Variants in SIPA1L3 observed in about 807,000 individuals in gnomAD.
The protein encoded by SIPA1L3 is signal-induced proliferation-associated 1-like protein 3.
Under a neutral mutation model 150.1 loss-of-function variants are expected in SIPA1L3, and 59 were observed. The observed-to-expected ratio is 0.39, with a 90% CI of 0.32 to 0.49. The LOEUF (loss-of-function observed/expected upper bound fraction) is 0.49, where lower values mean the gene tolerates loss of function less well. SIPA1L3 is among the 20% of genes least tolerant of loss of function. The probability of loss-of-function intolerance (pLI) is 0.86; values close to 1 mark genes in which losing one functional copy is unlikely to be tolerated. For missense variants in SIPA1L3, 2,211 were observed against 2,489.5 expected (o/e 0.89, Z 2.38); for synonymous variants, 1,070 against 1,077.6 (o/e 0.99, Z 0.14).
chr19:38,017,520 CTT>C (rs764574386), intron 1 of SIPA1L3, among the ~76,000 whole-genome samples: 6 of 138,784 alleles, frequency 4.3e-5, no homozygotes, highest in Admixed American at 7.3e-5. Flanking sequence ...CAGCTATCTC[CTT>C]TTTTTTTTTT....
At chr19:37,999,489 G>A (rs1318955872) in intron 1 of SIPA1L3, among the ~76,000 whole-genome samples, 1 of 152,222 alleles carries the variant, frequency 6.6e-6, no homozygotes, top group African/African-American at 2.4e-5. Context: ...AGTTGCACAT[G>A]GAAGTGAGTG....
intron 1 of SIPA1L3, among the ~76,000 whole-genome samples, chr19:37,987,749 C>T (rs907528497): frequency 2.0e-5 from 3 of 149,280 alleles, no homozygotes; most frequent in African/African-American, 7.7e-5. Context: ...GGGGCAGGCC[C>T]CAGTGGGGAT....
intron 9 of SIPA1L3, among the ~76,000 whole-genome samples, chr19:38,126,029 C>T (rs1376950424): frequency 1.3e-5 from 2 of 152,016 alleles, no homozygotes; most frequent in Non-Finnish European, 2.9e-5. Context: ...AAAAAATTAG[C>T]CGGGCGTGGT....
Position 38,208,240 on chromosome 19 carries a change from A to G in SIPA1L3, c.*2000A>G, listed in dbSNP as rs528925824. 1.4e-5 allele frequency: 2 copies of G among 146,262 alleles called. No homozygotes were observed. Among genetic ancestry groups the G allele is most frequent in the East Asian group, 2.0e-4 (1 of 4,890 alleles). 9.1% of individuals were successfully genotyped at this position (146,262 alleles called of 1,614,324 possible). On this transcript the variant is annotated 3_prime_UTR_variant, in exon 22 of 22. Transcript: ENST00000222345. ...AAGATAGCAGCAGGTTTTTTTTTTCATATGTTGATTTGTTTCATTTGGATT... is the reference window on the plus strand; with the variant it reads ...AAGATAGCAGCAGGTTTTTTTTTTCGTATGTTGATTTGTTTCATTTGGATT...
At chr19:38,073,287 A>G (rs1969761984) in intron 2 of SIPA1L3, among the ~76,000 whole-genome samples, 1 of 152,134 alleles carries the variant, frequency 6.6e-6, no homozygotes. Context: ...GCAGCACAGG[A>G]GGGAGGCAGA....
intron 1 of SIPA1L3, among the ~76,000 whole-genome samples, chr19:38,028,475 G>A (rs1968566439): frequency 6.6e-6 from 1 of 152,058 alleles, no homozygotes; most frequent in Non-Finnish European, 1.5e-5. Context: ...TCGTCCGGGA[G>A]GCCTTCCCCG....
intron 6 of SIPA1L3, among the ~76,000 whole-genome samples, chr19:38,101,474 T>C (rs1277840221): frequency 6.6e-6 from 1 of 152,078 alleles, no homozygotes; most frequent in Non-Finnish European, 1.5e-5. Flanking sequence ...AGTGGCATGA[T>C]CCCATCTCAC....
intron 16 of SIPA1L3, among the ~76,000 whole-genome samples, chr19:38,191,481 C>T (rs1275028087): frequency 1.3e-5 from 2 of 151,672 alleles, no homozygotes; most frequent in East Asian, 1.9e-4. Flanking sequence ...AGGCCTTGCT[C>T]TGGTATGGTT....
intron 13 of SIPA1L3, among the ~76,000 whole-genome samples, chr19:38,155,446 T>C (rs1368820933): frequency 6.6e-6 from 1 of 152,216 alleles, no homozygotes; most frequent in Non-Finnish European, 1.5e-5. Flanking sequence ...TTGAGCATCT[T>C]CTCAATGTGT....
intron 1 of SIPA1L3, among the ~76,000 whole-genome samples, chr19:37,911,876 C>CTG (rs1599784798): frequency 1.3e-5 from 2 of 151,812 alleles, no homozygotes; most frequent in South Asian, 4.2e-4. Context: ...CGAGACCATC[C>CTG]TGGCTAACAC....
At chr19:38,111,995 CTGCACACAGGCACACACA>C (rs982481207) in intron 8 of SIPA1L3, among the ~76,000 whole-genome samples, 1 of 139,914 alleles carries the variant, frequency 7.1e-6, no homozygotes, top group South Asian at 2.3e-4. Context: ...AGGCACACAC[CTGCACACAGGCACACACA>C]TGCACACACA....
chr19:38,091,528 AG>A (rs1238470142), intron 4 of SIPA1L3, among the ~76,000 whole-genome samples: 1 of 152,238 alleles, frequency 6.6e-6, no homozygotes, highest in Non-Finnish European at 1.5e-5. Flanking sequence ...TCACGATTCT[AG>A]GGTGAAGACC....
intron 9 of SIPA1L3, among the ~76,000 whole-genome samples, chr19:38,129,704 C>T (rs1187135000): frequency 1.3e-5 from 2 of 151,770 alleles, no homozygotes; most frequent in African/African-American, 4.8e-5. Context: ...CCCAGTACTT[C>T]TGGTCTCATG....
chr19:38,197,873 TC>T (rs11389860), intron 18 of SIPA1L3, among the ~76,000 whole-genome samples: 4 of 111,942 alleles, frequency 3.6e-5, no homozygotes. Context: ...TCCCCCCAAA[TC>T]CCCCCCCAAA....
rs1969075081 is a variant in SIPA1L3 at position 38,047,017 on chromosome 19, G to A, written c.-311+17861G>A. Among the ~76,000 whole-genome samples the A allele has an allele frequency of 6.6e-6, 1 of 152,210 alleles. No individual in the cohort carries two copies. Among genetic ancestry groups the A allele is most frequent in the Non-Finnish European group, 1.5e-5 (1 of 68,042 alleles). On this transcript the variant is annotated intron_variant, in intron 2 of 21. Transcript: ENST00000222345. This position sits in a 1 kb window ranked among gnomAD's most constrained non-coding sequence, Gnocchi z 4.7. ...AGGCGTGGTCCCCACTGCTAAGTATGTTATAGGTGTTGACCCACTTAGTCC... is the reference window on the plus strand; with the variant it reads ...AGGCGTGGTCCCCACTGCTAAGTATATTATAGGTGTTGACCCACTTAGTCC...
chr19:37,937,741 C>CAAAATAA (rs2046613211), intron 1 of SIPA1L3, among the ~76,000 whole-genome samples: 1 of 18,674 alleles, frequency 5.4e-5, no homozygotes, highest in Non-Finnish European at 9.3e-5. Flanking sequence ...AACCCTGTCT[C>CAAAATAA]AAAAAAAAAA....
At chr19:38,027,678 A>G (rs540773224) in intron 1 of SIPA1L3, among the ~76,000 whole-genome samples, 10 of 150,792 alleles carry the variant, frequency 6.6e-5, no homozygotes, top group South Asian at 2.1e-4. Context: ...CTGGCTGTAT[A>G]TAGTACACTT....
rs573410113 is a variant in SIPA1L3 at position 38,014,621 on chromosome 19, T to C, written c.-378-14468T>C. On this transcript the variant is annotated intron_variant, in intron 1 of 21. Transcript: ENST00000222345. ...AGGCTGGAGTGCAGTGGTACAATCA[T>C]AGCTCACTTCAGCTTCAACCTCCTG... Among the ~76,000 whole-genome samples, 22 of 145,506 alleles carry C rather than the reference T, an allele frequency of 1.5e-4. 1 individual carries two copies. In the South Asian group the frequency reaches 4.9e-3, roughly 33 times the overall value.
At chr19:38,201,581 C>T (rs865974952) in intron 19 of SIPA1L3, among the ~76,000 whole-genome samples, 7 of 152,328 alleles carry the variant, frequency 4.6e-5, no homozygotes, top group Admixed American at 6.5e-5. Context: ...GTTGCTAGCT[C>T]GCACTCTCAT....
Sources: gnomAD v4.1 joint callset for allele counts (sites outside exome capture counted in the v4.1 genomes callset) on GRCh38, gnomAD v4.1.1 for gene constraint, Gnocchi (gnomAD v3.1) non-coding constraint, MANE v1.5 for transcripts, NCBI Gene and HGNC (gene_info 2026-07-23, HGNC 2026-07-21) for gene names.